NUP210L: variants seen among roughly 807,000 people sequenced by gnomAD.
NUP210L encodes nuclear pore membrane glycoprotein 210-like.
A neutral mutation model predicts 208.5 loss-of-function variants in NUP210L; 74 were observed. That is an observed-to-expected ratio of 0.35 (90% CI 0.29 to 0.43). The LOEUF is 0.43. Among genes scored for constraint, NUP210L ranks in the 20% least tolerant of loss-of-function variants. The pLI, the probability that NUP210L is intolerant of heterozygous loss-of-function variation, is 1.00. For missense variants in NUP210L, 1,843 were observed against 2,289.4 expected, an observed-to-expected ratio of 0.81 and a Z score of 3.98; for synonymous variants, 780 against 816.9, an observed-to-expected ratio of 0.95 and a Z score of 0.77.
chr1:154,074,463 C>T (rs1462145221), intron 16 of NUP210L, among the ~76,000 whole-genome samples: 1 of 151,070 alleles, frequency 6.6e-6, no homozygotes, highest in African/African-American at 2.4e-5. Context: ...TCTCTTGTAA[C>T]CTTGAGCATC....
chr1:154,008,077 G>A (rs1005055538), intron 35 of NUP210L, among the ~76,000 whole-genome samples: 5 of 149,746 alleles, frequency 3.3e-5, no homozygotes, highest in South Asian at 2.1e-4. Context: ...TCACCATGTC[G>A]GCCAGGCTGG....
At chr1:154,055,591 TC>T (rs1173523004) in intron 23 of NUP210L, among the ~76,000 whole-genome samples, 1 of 152,088 alleles carries the variant, frequency 6.6e-6, no homozygotes, top group Non-Finnish European at 1.5e-5. Flanking sequence ...AGATGGGGTC[TC>T]CCTATGTTAC....
chr1:154,077,601 A>G (rs1273226728), intron 16 of NUP210L, among the ~76,000 whole-genome samples: 1 of 152,174 alleles, frequency 6.6e-6, no homozygotes, highest in Non-Finnish European at 1.5e-5. Flanking sequence ...TGAAGAAATA[A>G]TCTGGAAAAG....
At chr1:154,087,335 A>G (rs1655679492) in intron 16 of NUP210L, among the ~76,000 whole-genome samples, 1 of 151,940 alleles carries the variant, frequency 6.6e-6, no homozygotes, top group South Asian at 2.1e-4. Context: ...AAAAAAAAAA[A>G]AAAAGGGGCA....
chr1:154,152,773 C>T (rs1444543807), exon 2 of NUP210L: 31 of 1,613,874 alleles, frequency 1.9e-5, no homozygotes, highest in Admixed American at 5.0e-5. Flanking sequence ...TGAGGCGTAT[C>T]GGTTGCGTAG....
rs114511335 is a variant in NUP210L at position 154,118,679 on chromosome 1, T to C, written c.1456A>G (p.Lys486Glu). ...CTTATAGGACACCATACCTGTACTT[T>C]ATAACGATATAACATTCCCATAGGA... The change falls in exon 11 of 40, where the codon AAA becomes GAA. Residue 486 changes from lysine to glutamate, a missense_variant. Physicochemically the swap from Lys to Glu is moderately conservative, Grantham distance 56 (BLOSUM62 1). This residue lies in a region of NUP210L where 542 missense variants were observed against 606.4 expected (regional missense o/e 0.89). Transcript: ENST00000368559. The C allele has an allele frequency of 4.7e-4, 756 of 1,593,332 alleles. 2 individuals are homozygous for C. In the African/African-American group the frequency reaches 8.6e-3, roughly 18 times the overall value.
At chr1:154,092,358 C>T (rs1655968012) in intron 15 of NUP210L, among the ~76,000 whole-genome samples, 1 of 149,014 alleles carries the variant, frequency 6.7e-6, no homozygotes, top group African/African-American at 2.5e-5. Flanking sequence ...GGATTACAGG[C>T]GTTAGCCACC....
At position 154,022,120 on chromosome 1, in the gene NUP210L, A is replaced by T. The variant is rs202099107; in HGVS notation, c.4516+6T>A. ...TGTAAGTTTGAGAAAGGGAATGTAT[A>T]CATACCATGCTGGCTGACAAGGTGA... is the stretch of plus-strand genomic sequence containing the variant. On this transcript the variant is annotated splice_donor_region_variant and intron_variant, in intron 32 of 39. Coordinates refer to ENST00000368559, the Ensembl canonical transcript of NUP210L. The T allele has an allele frequency of 3.1e-6, 5 of 1,604,382 alleles. No individual in the cohort carries two copies.
At chr1:154,087,392 C>T (rs1655684688) in intron 16 of NUP210L, among the ~76,000 whole-genome samples, 1 of 150,144 alleles carries the variant, frequency 6.7e-6, no homozygotes, top group South Asian at 2.1e-4. Flanking sequence ...CAATGAGATA[C>T]CACTTTATAC....
exon 40 of NUP210L, chr1:153,992,783 G>A (rs1032209397): frequency 1.1e-5 from 14 of 1,220,026 alleles, no homozygotes; most frequent in Middle Eastern, 1.9e-4. Flanking sequence ...TCTTGTCGAG[G>A]ACTAGAAATC....
intron 37 of NUP210L, among the ~76,000 whole-genome samples, chr1:153,998,653 G>T (rs936625125): frequency 1.3e-5 from 2 of 150,148 alleles, no homozygotes; most frequent in Non-Finnish European, 3.0e-5. Context: ...GGGATCCGTG[G>T]TCTCTAGATT....
At chr1:154,140,361 A>G (rs1306265631) in intron 4 of NUP210L, among the ~76,000 whole-genome samples, 2 of 144,390 alleles carry the variant, frequency 1.4e-5, no homozygotes, top group East Asian at 2.1e-4. Flanking sequence ...AAAAAAAAAA[A>G]AAAAAGAAAA....
chr1:154,021,497 A>G (rs1441598878), intron 32 of NUP210L, among the ~76,000 whole-genome samples: 2 of 151,876 alleles, frequency 1.3e-5, no homozygotes, highest in African/African-American at 4.8e-5. Flanking sequence ...CTGTCTCTAA[A>G]AAAAAAAACA....
At chr1:154,116,029 G>A (rs1350781265) in intron 12 of NUP210L, among the ~76,000 whole-genome samples, 1 of 152,124 alleles carries the variant, frequency 6.6e-6, no homozygotes, top group African/African-American at 2.4e-5. Context: ...GCCGAGGCAG[G>A]TGGATCACGA....
At chr1:154,051,514 G>A (rs551602651) in intron 25 of NUP210L, among the ~76,000 whole-genome samples, 1 of 152,164 alleles carries the variant, frequency 6.6e-6, no homozygotes, top group South Asian at 2.1e-4. Flanking sequence ...GTGCCTGGCC[G>A]ACACTTTCAC....
At chr1:154,135,478 G>C (rs1658486552) in intron 7 of NUP210L, among the ~76,000 whole-genome samples, 1 of 151,288 alleles carries the variant, frequency 6.6e-6, no homozygotes, top group African/African-American at 2.4e-5. Context: ...TTGGAGTGCA[G>C]TGGCACGATT....
chr1:154,047,054 G>A (rs748918105), intron 25 of NUP210L, among the ~76,000 whole-genome samples: 2 of 151,824 alleles, frequency 1.3e-5, no homozygotes, highest in African/African-American at 4.8e-5. Context: ...GCGAAACTCC[G>A]ACTCAAAACA....
chr1:154,006,937 T>TGG (rs1462140806), intron 35 of NUP210L, among the ~76,000 whole-genome samples: 2 of 107,928 alleles, frequency 1.9e-5, no homozygotes, highest in Non-Finnish European at 3.9e-5. Flanking sequence ...TGTGTGTGTG[T>TGG]GTGTGTGTGT....
At chr1:154,138,537 A>G (rs1404393383) in intron 5 of NUP210L, among the ~76,000 whole-genome samples, 3 of 152,090 alleles carry the variant, frequency 2.0e-5, no homozygotes, top group East Asian at 1.9e-4. Flanking sequence ...GTAAGACTCA[A>G]TTGTAGAACA....
Sources: allele counts gnomAD v4.1 joint callset (sites outside exome capture counted in the v4.1 genomes callset), GRCh38; gene constraint gnomAD v4.1.1; regional missense constraint gnomAD v4.1.1; transcripts MANE v1.5; gene names NCBI Gene and HGNC (gene_info 2026-07-23, HGNC 2026-07-21).